Variants in NCALD observed in about 807,000 individuals in gnomAD.
The protein encoded by NCALD is neurocalcin-delta.
Under a neutral mutation model 18.6 loss-of-function variants are expected in NCALD, and 10 were observed. That is an observed-to-expected ratio of 0.54 (90% CI 0.33 to 0.91). The LOEUF (loss-of-function observed/expected upper bound fraction) is 0.91. Among genes scored for constraint, NCALD ranks in the 40% least tolerant of loss-of-function variants. The pLI, the probability that NCALD is intolerant of heterozygous loss-of-function variation, is 0.03. For missense variants in NCALD, 184 were observed against 247.6 expected, an observed-to-expected ratio of 0.74 and a Z score of 1.72; for synonymous variants, 88 against 87.4, an observed-to-expected ratio of 1.01 and a Z score of -0.04.
In NCALD at chr8:101,957,703, C is replaced by G. The variant is rs536055460; in HGVS notation, c.-156-41845G>C. ...AGGAGTCCAATGCTAAGGCCTGACA[C>G]CTTGTCTGGTTAAACAAGAGCCTGA... On this transcript the variant is annotated intron_variant, in intron 2 of 6. Transcript: ENST00000311028. Among the ~76,000 whole-genome samples, 5 of 152,198 alleles carry G rather than the reference C, an allele frequency of 3.3e-5. No individual in the cohort carries two copies. In the East Asian group the frequency reaches 9.7e-4, roughly 29 times the overall value.
intron 2 of NCALD, among the ~76,000 whole-genome samples, chr8:102,009,391 T>C (rs1586917414): frequency 6.6e-6 from 1 of 152,224 alleles, no homozygotes; most frequent in South Asian, 2.1e-4. Flanking sequence ...GTGCACAAAG[T>C]GGACCTGCCA....
At chr8:102,099,277 C>T (rs921709686) in intron 1 of NCALD, among the ~76,000 whole-genome samples, 9 of 152,164 alleles carry the variant, frequency 5.9e-5, no homozygotes, top group Admixed American at 2.0e-4. Flanking sequence ...TAGTCCAAGG[C>T]ACCAAAGACT....
At chr8:101,892,027 T>G (rs567351560) in intron 3 of NCALD, among the ~76,000 whole-genome samples, 1,584 of 152,206 alleles carry the variant, frequency 0.01, 10 homozygotes, top group Non-Finnish European at 0.014. Flanking sequence ...CAAGGAGGCC[T>G]GGCTGCCTCT....
intron 2 of NCALD, among the ~76,000 whole-genome samples, chr8:101,952,386 T>C (rs184928445): frequency 2.6e-5 from 4 of 152,338 alleles, no homozygotes; most frequent in African/African-American, 7.2e-5. Flanking sequence ...GCACCTCCTC[T>C]TCCTGTGGCC....
At position 101,997,261 on chromosome 8, in the gene NCALD, T is replaced by C. The variant is rs112151362; in HGVS notation, c.-157+22976A>G. On this transcript the variant is annotated intron_variant, in intron 2 of 6. Transcript: ENST00000311028. ...TGTGATATAAAGAGAGCAGGCAATA[T>C]GGCTGAGGACAAAGCCAGGCCGGAC... Among the ~76,000 whole-genome samples, 1,090 of 152,298 alleles carry C rather than the reference T, an allele frequency of 7.2e-3. 17 individuals are homozygous for C. Among genetic ancestry groups the C allele is most frequent in the African/African-American group, 0.024 (997 of 41,564 alleles).
At chr8:101,730,444 C>T (rs973355888) in intron 1 of NCALD, among the ~76,000 whole-genome samples, 1 of 134,062 alleles carries the variant, frequency 7.5e-6, no homozygotes, top group Non-Finnish European at 1.5e-5. Context: ...CGTGCCACTG[C>T]ACTCCAGCCT....
At chr8:101,775,000 G>T (rs1242884546) in intron 1 of NCALD, among the ~76,000 whole-genome samples, 1 of 152,168 alleles carries the variant, frequency 6.6e-6, no homozygotes, top group East Asian at 1.9e-4. Context: ...GAGCTTCGTG[G>T]ATTAGTCCCA....
intron 4 of NCALD, among the ~76,000 whole-genome samples, chr8:101,830,823 C>T (rs977402785): frequency 2.0e-5 from 3 of 150,750 alleles, no homozygotes; most frequent in South Asian, 4.2e-4. Context: ...TCACTGCAAG[C>T]TCCGCCTCCC....
chr8:101,961,867 C>G (rs1431839318), intron 2 of NCALD, among the ~76,000 whole-genome samples: 28 of 152,160 alleles, frequency 1.8e-4, no homozygotes, highest in Admixed American at 1.8e-3. Context: ...TTTAGCTTTA[C>G]AGTCATTTGG....
At chr8:101,899,450 G>A (rs1817336233) in intron 3 of NCALD, among the ~76,000 whole-genome samples, 1 of 151,928 alleles carries the variant, frequency 6.6e-6, no homozygotes, top group African/African-American at 2.4e-5. Flanking sequence ...GGTGAGAGCA[G>A]TCATCCTTAC....
intron 2 of NCALD, among the ~76,000 whole-genome samples, chr8:101,918,867 A>G (rs942306455): frequency 6.6e-6 from 1 of 152,154 alleles, no homozygotes; most frequent in Non-Finnish European, 1.5e-5. Context: ...TGACACAAAC[A>G]AATGTTAAAA....
At chr8:101,791,958 C>T (rs7828393), upstream of NCALD, among the ~76,000 whole-genome samples, 2,406 of 152,268 alleles carry the variant, frequency 0.016, 54 homozygotes, top group African/African-American at 0.055. Context: ...TAACTCTGCA[C>T]ACGTGCCTAT....
At chr8:102,003,873 G>A (rs997374457) in intron 2 of NCALD, among the ~76,000 whole-genome samples, 80 of 152,178 alleles carry the variant, frequency 5.3e-4, no homozygotes, top group African/African-American at 1.6e-3. Context: ...TTGATGGGAC[G>A]TATCTCAAAA....
At chr8:101,919,435 A>T (rs1818086055) in intron 2 of NCALD, among the ~76,000 whole-genome samples, 1 of 152,174 alleles carries the variant, frequency 6.6e-6, no homozygotes, top group African/African-American at 2.4e-5. Flanking sequence ...TCCTAGAAGA[A>T]AACCTAGAAA....
At chr8:101,890,561 A>C (rs1816834778) in intron 3 of NCALD, among the ~76,000 whole-genome samples, 1 of 152,188 alleles carries the variant, frequency 6.6e-6, no homozygotes, top group East Asian at 1.9e-4. Flanking sequence ...GCACACTTAT[A>C]AAAGGGCTCC....
In NCALD at chr8:101,927,656, GA is replaced by G. The variant is rs138171757; in HGVS notation, c.-156-11799del. Among the ~76,000 whole-genome samples the G allele has an allele frequency of 3.2e-3, 493 of 152,338 alleles. 6 individuals are homozygous for G. The highest frequency in any genetic ancestry group is 0.011 in the African/African-American group (465 of 41,576). Reference sequence around the variant, plus strand: ...CATGAGATGAGGCCCACTGAGGCAAGAAGTGGAAAAATTAGGCTAGAGAAGA... The same window carrying G: ...CATGAGATGAGGCCCACTGAGGCAAGAGTGGAAAAATTAGGCTAGAGAAGA... On this transcript the variant is annotated intron_variant, in intron 2 of 6. Coordinates refer to the NCALD transcript ENST00000311028.
chr8:101,704,193 A>C (rs778327387), intron 2 of NCALD, among the ~76,000 whole-genome samples: 2 of 152,380 alleles, frequency 1.3e-5, no homozygotes, highest in South Asian at 2.1e-4. Context: ...ACATTTATAG[A>C]GCTATAAAAA....
chr8:101,861,011 T>C (rs755928584), intron 4 of NCALD, among the ~76,000 whole-genome samples: 12 of 152,012 alleles, frequency 7.9e-5, no homozygotes, highest in Non-Finnish European at 1.3e-4. Flanking sequence ...AAAGCCAAGG[T>C]AATATATTTA....
intron 1 of NCALD, among the ~76,000 whole-genome samples, chr8:102,106,495 AC>A (rs1825460305): frequency 6.6e-6 from 1 of 151,422 alleles, no homozygotes; most frequent in Non-Finnish European, 1.5e-5. Flanking sequence ...ACACACATAT[AC>A]TACAGCTGTG....
Sources: gnomAD v4.1 joint callset for allele counts (sites outside exome capture counted in the v4.1 genomes callset) on GRCh38, gnomAD v4.1.1 for gene constraint, MANE v1.5 for transcripts, NCBI Gene and HGNC (gene_info 2026-07-23, HGNC 2026-07-21) for gene names.